PRR18: variants seen among roughly 807,000 people sequenced by gnomAD.
PRR18 encodes the protein proline-rich protein 18.
For missense variants in PRR18, 517 were observed against 437.4 expected, an observed-to-expected ratio of 1.18 and a Z score of -1.62; for synonymous variants, 228 against 220.2, an observed-to-expected ratio of 1.04 and a Z score of -0.32.
rs2114868027 is a variant in PRR18, at chr6:166,307,176, C to G, written c.*79G>C. On this transcript the variant is annotated 3_prime_UTR_variant, in exon 1 of 1. Coordinates refer to ENST00000322583, the MANE Select transcript of PRR18 (RefSeq NM_175922.4). The stretch of plus-strand genomic sequence containing the variant: ...GGCCAGAGGAGCCTGCGGTCTCCCC[C>G]GAGGGCCCCTAGGCGGAGTGGCGCG... 1 of 1,294,480 alleles carries G rather than the reference C, an allele frequency of 7.7e-7. No individual in the cohort carries two copies. The highest frequency in any genetic ancestry group is 3.1e-5 in the East Asian group (1 of 32,428). The allele number at this position is 1,294,480 out of a possible 1,614,324, so 80.2% of individuals were successfully genotyped here.
chr6:166,308,025 G>A lies in PRR18; in HGVS notation c.118C>T (p.Pro40Ser). The change falls in exon 1 of 1, where the codon CCC (proline) becomes TCC (serine). Residue 40 changes from proline (P) to serine (S), a missense_variant. By Grantham distance (74) the Pro-to-Ser change is moderately conservative. Coordinates refer to ENST00000322583, the MANE Select transcript of PRR18 (RefSeq NM_175922.4). ...GDKKKRPPQRPEGLLSSSWPS... is the reference protein window; with the variant it reads ...GDKKKRPPQRSEGLLSSSWPS... Reference sequence around the variant, plus strand: ...CAGGAGCTGGAGAGGAGCCCCTCGGGCCGCTGTGGGGGCCTCTTCTTCTTG... The same window carrying A: ...CAGGAGCTGGAGAGGAGCCCCTCGGACCGCTGTGGGGGCCTCTTCTTCTTG... The A allele has an allele frequency of 4.0e-6, 5 of 1,239,772 alleles. No homozygotes were observed. The highest frequency in any genetic ancestry group is 1.6e-5 in the African/African-American group (1 of 64,194). 76.8% of individuals were successfully genotyped at this position (1,239,772 alleles called of 1,614,324 possible).
In PRR18 at chr6:166,307,395, C is replaced by T; in HGVS notation, c.748G>A (p.Glu250Lys). ...ACCGCCTCTGGCTCCTCCTCGTACTCCACGTCGTCGTACCTGTGCCGCTCG... is the reference window on the plus strand; with the variant it reads ...ACCGCCTCTGGCTCCTCCTCGTACTTCACGTCGTCGTACCTGTGCCGCTCG... ...LNERHRYDDVEYEEEPEAVDE... is the reference protein window; with the variant it reads ...LNERHRYDDVKYEEEPEAVDE... Residue 250 changes from glutamate (E) to lysine (K), a missense_variant, in exon 1 of 1, where the codon GAG becomes AAG. Physicochemically the swap from Glu to Lys is moderately conservative, Grantham distance 56. Transcript: ENST00000322583. 1 of 1,577,160 alleles carries T rather than the reference C, an allele frequency of 6.3e-7. No individual in the cohort carries two copies. The highest frequency in any genetic ancestry group is 1.4e-5 in the African/African-American group (1 of 71,884).
In PRR18 at chr6:166,308,227, C is replaced by A; in HGVS notation, c.-85G>T. 2 of 1,199,018 alleles carry A rather than the reference C, an allele frequency of 1.7e-6. No individual in the cohort carries two copies. The highest frequency in any genetic ancestry group is 3.2e-5 in the East Asian group (1 of 31,038). The allele number at this position is 1,199,018 out of a possible 1,614,324, so 74.3% of individuals were successfully genotyped here. Reference sequence around the variant, plus strand: ...GTGCGCGGAGCGGGTCCCCGCAGTCCGGGCGGCCCCTCCACACCCACCTGC... The same window carrying A: ...GTGCGCGGAGCGGGTCCCCGCAGTCAGGGCGGCCCCTCCACACCCACCTGC... On this transcript the variant is annotated 5_prime_UTR_variant, in exon 1 of 1. Coordinates refer to ENST00000322583, the MANE Select transcript of PRR18 (RefSeq NM_175922.4).
At position 166,307,390 on chromosome 6, in the gene PRR18, G is replaced by A; in HGVS notation, c.753C>T (p.Tyr251=). ...NERHRYDDVE[Y]EEEPEAVDEG... ...CGTCCACCGCCTCTGGCTCCTCCTCGTACTCCACGTCGTCGTACCTGTGCC... is the reference window on the plus strand; with the variant it reads ...CGTCCACCGCCTCTGGCTCCTCCTCATACTCCACGTCGTCGTACCTGTGCC... The change falls in exon 1 of 1, where the codon TAC becomes TAT. Residue 251 remains tyrosine (Y), a synonymous_variant. Coordinates refer to ENST00000322583, the MANE Select transcript of PRR18 (RefSeq NM_175922.4). The A allele has an allele frequency of 6.3e-7, 1 of 1,577,930 alleles. No homozygotes were observed.
In PRR18 at chr6:166,307,420, G is replaced by A. The variant is rs933612454; in HGVS notation, c.723C>T (p.Asn241=). Residue 241 remains asparagine (N), a synonymous_variant, in exon 1 of 1, where the codon AAC becomes AAT. Coordinates refer to ENST00000322583, the MANE Select transcript of PRR18 (RefSeq NM_175922.4). The stretch of plus-strand genomic sequence containing the variant: ...CCACGTCGTCGTACCTGTGCCGCTC[G>A]TTGAGCAGCGACACCTTGAGCATCG... ...LRPMLKVSLL[N]ERHRYDDVEY... is the part of the protein sequence containing the mutation. 16 of 1,558,098 alleles carry A rather than the reference G, an allele frequency of 1.0e-5. No individual in the cohort carries two copies. In the African/African-American group the frequency reaches 2.1e-4, roughly 21 times the overall value.
Position 166,307,306 on chromosome 6 carries a change from C to T in PRR18, c.837G>A (p.Ala279=). 2 of 1,541,258 alleles carry T rather than the reference C, an allele frequency of 1.3e-6. No individual in the cohort carries two copies. Among genetic ancestry groups the T allele is most frequent in the Non-Finnish European group, 8.7e-7 (1 of 1,152,504 alleles). The change falls in exon 1 of 1, where the codon GCG becomes GCA. Residue 279 remains alanine, a synonymous_variant. Transcript: ENST00000322583. ...WLRGVESAAA[A]RGRAGALDSR... ...AGTCCAGGGCCCCCGCCCGGCCCCG[C>T]GCGGCAGCCGCGGACTCCACGCCGC...
In PRR18 at chr6:166,307,779, A is replaced by T; in HGVS notation, c.364T>A (p.Ser122Thr). Residue 122 changes from serine to threonine, a missense_variant, in exon 1 of 1, where the codon TCC becomes ACC. Coordinates refer to ENST00000322583, the MANE Select transcript of PRR18 (RefSeq NM_175922.4). ...TCTGGACAAGGCCCCGCCCCCGAGG[A>T]GGTGCCCGCGGCGGTGGTCCCCGTC... is the stretch of plus-strand genomic sequence containing the variant. ...AGTGTTAAGTSSGAGPCPDSA... is the reference protein window; with the variant it reads ...AGTGTTAAGTTSGAGPCPDSA... 1 of 1,479,250 alleles carries T rather than the reference A, an allele frequency of 6.8e-7. No individual in the cohort carries two copies. Among genetic ancestry groups the T allele is most frequent in the Non-Finnish European group, 9.0e-7 (1 of 1,107,906 alleles). 91.6% of individuals were successfully genotyped at this position (1,479,250 alleles called of 1,614,324 possible). A position where few individuals can be genotyped will look rare whatever the true frequency, so the allele number is the denominator to read the frequency against.
rs1029088570 is a variant in PRR18, at chr6:166,306,564, G to C, written c.*691C>G. 2.6e-5 allele frequency: 4 copies of C among 152,238 alleles called. No homozygotes were observed. The highest frequency in any genetic ancestry group is 2.0e-4 in the Admixed American group (3 of 15,286). 9.4% of individuals were successfully genotyped at this position (152,238 alleles called of 1,614,324 possible). A position where few individuals can be genotyped will look rare whatever the true frequency, so the allele number is the denominator to read the frequency against. On this transcript the variant is annotated 3_prime_UTR_variant, in exon 1 of 1. Transcript: ENST00000322583. The stretch of plus-strand genomic sequence containing the variant: ...ACACAGAAAAAATGTAATCAGCCGA[G>C]CGGTTTCCATGGAAGCGCTCATTGA...
In PRR18 at chr6:166,307,326, C is replaced by T. The variant is rs765730768; in HGVS notation, c.817G>A (p.Val273Met). ...CCCCGCGCGGCAGCCGCGGACTCCA[C>T]GCCGCGCAGCCACTCCGTGCACTTG... ...VRKCTEWLRGVESAAAARGRA... is the reference protein window; with the variant it reads ...VRKCTEWLRGMESAAAARGRA... Residue 273 changes from valine (V) to methionine (M), a missense_variant, in exon 1 of 1, where the codon GTG (valine) becomes ATG (methionine). Val to Met is a conservative substitution (Grantham distance 21). Coordinates refer to ENST00000322583, the MANE Select transcript of PRR18 (RefSeq NM_175922.4). 2.6e-6 allele frequency: 4 copies of T among 1,560,624 alleles called. No individual in the cohort carries two copies. Among genetic ancestry groups the T allele is most frequent in the Admixed American group, 1.8e-5 (1 of 55,574 alleles).
Position 166,305,309 on chromosome 6 carries a change from TTC to T in PRR18, c.*1944_*1945del, listed in dbSNP as rs1483991216. On this transcript the variant is annotated 3_prime_UTR_variant, in exon 1 of 1. Transcript: ENST00000322583. Reference sequence around the variant, plus strand: ...CAAAAAGAATCACAAGTCACTGAATTTCTCTTTTATTTAAGCATTAAGAAATT... The same window carrying T: ...CAAAAAGAATCACAAGTCACTGAATTTCTTTTATTTAAGCATTAAGAAATT... 1.1e-4 allele frequency: 16 copies of T among 152,226 alleles called. No individual in the cohort carries two copies. Among genetic ancestry groups the T allele is most frequent in the African/African-American group, 3.9e-4 (16 of 41,458 alleles). 9.4% of individuals were successfully genotyped at this position (152,226 alleles called of 1,614,324 possible). A position where few individuals can be genotyped will look rare whatever the true frequency, so the allele number is the denominator to read the frequency against.
In PRR18 at chr6:166,307,540, G is replaced by T. The variant is rs556456266; in HGVS notation, c.603C>A (p.Ala201=). ...PASDPDAPPT[A]GQGRRAPPPG... ...GCGGAGGCGCGCGGCGGCCCTGGCC[G>T]GCGGTGGGGGGTGCGTCGGGGTCGC... The change falls in exon 1 of 1, where the codon GCC becomes GCA. Residue 201 remains alanine, a synonymous_variant. Transcript: ENST00000322583. 1.7e-6 allele frequency: 2 copies of T among 1,211,764 alleles called. No homozygotes were observed. The highest frequency in any genetic ancestry group is 6.7e-5 in the East Asian group (2 of 29,696). 75.1% of individuals were successfully genotyped at this position (1,211,764 alleles called of 1,614,324 possible).
In PRR18 at chr6:166,308,331, C is replaced by A. The variant is rs562461916; in HGVS notation, c.-189G>T. 1.2e-5 allele frequency: 6 copies of A among 483,012 alleles called. No homozygotes were observed. The highest frequency in any genetic ancestry group is 2.0e-5 in the Non-Finnish European group (6 of 307,068). The allele number at this position is 483,012 out of a possible 1,614,324, so 29.9% of individuals were successfully genotyped here. On this transcript the variant is annotated 5_prime_UTR_variant, in exon 1 of 1. Coordinates refer to ENST00000322583, the MANE Select transcript of PRR18 (RefSeq NM_175922.4). The stretch of plus-strand genomic sequence containing the variant: ...CTCAAAGAGAGGCGCTCCCACCCTC[C>A]CCTCCTCCTGGGGGTGCTCCCGGGA...
In PRR18 at chr6:166,305,439, A is replaced by G. The variant is rs4441936; in HGVS notation, c.*1816T>C. On this transcript the variant is annotated 3_prime_UTR_variant, in exon 1 of 1. Transcript: ENST00000322583. ...CTTTTTTCTGTTTGTTTTTTATTGA[A>G]GCTCATTGACCAGGGAAACATAAAT... 113,054 of 152,154 alleles carry G rather than the reference A, an allele frequency of 0.74. 42,442 individuals are homozygous for G. The highest frequency in any genetic ancestry group is 0.91 in the East Asian group (4,735 of 5,178). The allele number at this position is 152,154 out of a possible 1,614,324, so 9.4% of individuals were successfully genotyped here.
chr6:166,307,042 C>A lies in PRR18; in HGVS notation c.*213G>T, dbSNP rs1242858493. On this transcript the variant is annotated 3_prime_UTR_variant, in exon 1 of 1. Transcript: ENST00000322583. ...ACCACCGGTGTGAACGAGAAAGGCC[C>A]GGGCTGCCGGCTGGCGAGGGCAGGA... 8.4e-6 allele frequency: 4 copies of A among 473,496 alleles called. No homozygotes were observed. The highest frequency in any genetic ancestry group is 1.4e-5 in the Non-Finnish European group (4 of 276,838). The allele number at this position is 473,496 out of a possible 1,614,324, so 29.3% of individuals were successfully genotyped here.
At position 166,307,772 on chromosome 6, in the gene PRR18, C is replaced by T; in HGVS notation, c.371G>A (p.Gly124Glu). The change falls in exon 1 of 1, where the codon GGG becomes GAG. Residue 124 changes from glycine (G) to glutamate (E), a missense_variant. Physicochemically the swap from Gly to Glu is moderately conservative, Grantham distance 98 (BLOSUM62 -2). Coordinates refer to ENST00000322583, the MANE Select transcript of PRR18 (RefSeq NM_175922.4). ...TGTTAAGTSS[G>E]AGPCPDSAAR... ...AGCGGAGTCTGGACAAGGCCCCGCCCCCGAGGAGGTGCCCGCGGCGGTGGT... is the reference window on the plus strand; with the variant it reads ...AGCGGAGTCTGGACAAGGCCCCGCCTCCGAGGAGGTGCCCGCGGCGGTGGT... 3.4e-6 allele frequency: 5 copies of T among 1,487,988 alleles called. No individual in the cohort carries two copies. The highest frequency in any genetic ancestry group is 1.8e-4 in the Middle Eastern group (1 of 5,452). 92.2% of individuals were successfully genotyped at this position (1,487,988 alleles called of 1,614,324 possible).
At position 166,307,323 on chromosome 6, in the gene PRR18, C is replaced by T. The variant is rs1407681052; in HGVS notation, c.820G>A (p.Glu274Lys). The change falls in exon 1 of 1, where the codon GAG (glutamate) becomes AAG (lysine). Residue 274 changes from glutamate to lysine, a missense_variant. Transcript: ENST00000322583. ...RKCTEWLRGV[E>K]SAAAARGRAG... ...CGGCCCCGCGCGGCAGCCGCGGACT[C>T]CACGCCGCGCAGCCACTCCGTGCAC... The T allele has an allele frequency of 3.2e-6, 5 of 1,559,128 alleles. No individual in the cohort carries two copies. In the South Asian group the frequency reaches 4.6e-5, roughly 14 times the overall value.
Position 166,307,193 on chromosome 6 carries a change from A to G in PRR18, c.*62T>C. Reference sequence around the variant, plus strand: ...GTCTCCCCCGAGGGCCCCTAGGCGGAGTGGCGCGTGCAGGAAGTGAGGTGG... The same window carrying G: ...GTCTCCCCCGAGGGCCCCTAGGCGGGGTGGCGCGTGCAGGAAGTGAGGTGG... On this transcript the variant is annotated 3_prime_UTR_variant, in exon 1 of 1. Coordinates refer to ENST00000322583, the MANE Select transcript of PRR18 (RefSeq NM_175922.4). The G allele has an allele frequency of 7.5e-7, 1 of 1,337,052 alleles. No individual in the cohort carries two copies. The highest frequency in any genetic ancestry group is 9.6e-7 in the Non-Finnish European group (1 of 1,041,772). 82.8% of individuals were successfully genotyped at this position (1,337,052 alleles called of 1,614,324 possible).
Position 166,308,150 on chromosome 6 carries a change from C to T in PRR18, c.-8G>A. ...CATGGGCGGGAAGGGCATAGTGCAGCCGAGCCGCCGGATCCTCAGCCCCTG... is the reference window on the plus strand; with the variant it reads ...CATGGGCGGGAAGGGCATAGTGCAGTCGAGCCGCCGGATCCTCAGCCCCTG... On this transcript the variant is annotated 5_prime_UTR_variant, in exon 1 of 1. Coordinates refer to ENST00000322583, the MANE Select transcript of PRR18 (RefSeq NM_175922.4). The T allele has an allele frequency of 8.1e-7, 1 of 1,229,200 alleles. No homozygotes were observed. Among genetic ancestry groups the T allele is most frequent in the Non-Finnish European group, 1.0e-6 (1 of 984,820 alleles). The allele number at this position is 1,229,200 out of a possible 1,614,324, so 76.1% of individuals were successfully genotyped here.
chr6:166,307,788 C>A lies in PRR18; in HGVS notation c.355G>T (p.Ala119Ser). ...GGCCCCGCCCCCGAGGAGGTGCCCG[C>A]GGCGGTGGTCCCCGTCCCCGCCGAG... The part of the protein sequence containing the change: ...ATSAGTGTTA[A>S]GTSSGAGPCP... The change falls in exon 1 of 1, where the codon GCG becomes TCG. Residue 119 changes from alanine to serine, a missense_variant. By Grantham distance (99) the Ala-to-Ser change is moderately conservative (BLOSUM62 1). Transcript: ENST00000322583. 6.9e-7 allele frequency: 1 copy of A among 1,459,054 alleles called. No homozygotes were observed. Among genetic ancestry groups the A allele is most frequent in the Non-Finnish European group, 9.1e-7 (1 of 1,096,896 alleles). 90.4% of individuals were successfully genotyped at this position (1,459,054 alleles called of 1,614,324 possible). A position where few individuals can be genotyped will look rare whatever the true frequency, so the allele number is the denominator to read the frequency against.
Sources: gnomAD v4.1 joint callset for allele counts on GRCh38, gnomAD v4.1.1 for gene constraint, MANE v1.5 for transcripts, NCBI Gene and HGNC (gene_info 2026-07-23, HGNC 2026-07-21) for gene names.